Variants in FRMD8 observed in about 807,000 individuals in gnomAD.
The protein encoded by FRMD8 is FERM domain containing 8.
Under a neutral mutation model 54.2 loss-of-function variants are expected in FRMD8, and 37 were observed. The observed-to-expected ratio is 0.68, with a 90% confidence interval of 0.53 to 0.90. FRMD8 has a LOEUF of 0.90. FRMD8 is among the 40% of genes least tolerant of loss of function. The pLI is 0.00. For missense variants in FRMD8, 585 were observed against 653.7 expected, an observed-to-expected ratio of 0.89 and a Z score of 1.15; for synonymous variants, 246 against 286.9, an observed-to-expected ratio of 0.86 and a Z score of 1.44.
intron 6 of FRMD8, 104 bp from the exon 7 acceptor site, chr11:65,396,695 A>G: frequency 1.5e-6 from 1 of 660,074 alleles, no homozygotes; most frequent in Non-Finnish European, 2.4e-6. Flanking sequence ...ACTTGGAAGT[A>G]GATGTGTGTC....
upstream of FRMD8, among the ~76,000 whole-genome samples, chr11:65,385,897 A>C (rs1003191538): frequency 4.0e-5 from 6 of 151,206 alleles, no homozygotes; most frequent in Non-Finnish European, 5.9e-5. Flanking sequence ...TGGGGTTCAC[A>C]CCATTCTCCT....
At chr11:65,379,402 C>A in the FRMD8 span, 1 of 1,611,968 alleles carries the variant, frequency 6.2e-7, no homozygotes, top group Non-Finnish European at 8.5e-7. Context: ...GTGCAGCCCG[C>A]TAGGAAGATG....
At chr11:65,408,631 T>A (rs77427268) in intron 10 of FRMD8, among the ~76,000 whole-genome samples, 174 of 151,796 alleles carry the variant, frequency 1.1e-3, no homozygotes, top group Non-Finnish European at 1.9e-3. Flanking sequence ...TTTTTTTTTT[T>A]AAATAGGATT....
chr11:65,382,127 C>T (rs79399220), upstream of FRMD8: 7,221 of 648,082 alleles, frequency 0.011, 436 homozygotes, highest in African/African-American at 0.12. The surrounding 1 kb of genome is among the most constrained non-coding windows in gnomAD (Gnocchi z 4.4). Flanking sequence ...GAGCCAGTTC[C>T]GGTGACCCTG....
the FRMD8 span, among the ~76,000 whole-genome samples, chr11:65,371,719 A>G: frequency 1.3e-5 from 2 of 152,146 alleles, no homozygotes; most frequent in Admixed American, 1.3e-4. Context: ...GGTTCGGGTG[A>G]TTCTCCTGCC....
intron 10 of FRMD8, among the ~76,000 whole-genome samples, chr11:65,408,995 G>A (rs1856269940): frequency 6.6e-6 from 1 of 152,052 alleles, no homozygotes; most frequent in South Asian, 2.1e-4. Context: ...CAGAGAAGAT[G>A]GTGTCTGCCT....
At position 65,387,089 on chromosome 11, in the gene FRMD8, A is replaced by G. The variant is rs78688868; in HGVS notation, c.53A>G (p.His18Arg). The G allele has an allele frequency of 2.5e-6, 4 of 1,607,976 alleles. No homozygotes were observed. The highest frequency in any genetic ancestry group is 2.2e-5 in the South Asian group (2 of 91,074). The change falls in exon 2 of 11, where the codon CAC (histidine) becomes CGC (arginine). Residue 18 changes from histidine to arginine, a missense_variant. Physicochemically the swap from His to Arg is conservative, Grantham distance 29. Coordinates refer to ENST00000317568, the MANE Select transcript of FRMD8 (RefSeq NM_031904.5). ...CAGCCCGGCCCCGCTGAGCGATCCC[A>G]CCGAAGCAGCGTGTCCTCCGTGGGA... ...AGQPGPAERS[H>R]RSSVSSVGAR...
At chr11:65,389,165 T>C (rs668117) in intron 2 of FRMD8, among the ~76,000 whole-genome samples, 196 bp from the exon 3 acceptor site, 151,678 of 152,292 alleles carry the variant, frequency 1, 75,540 homozygotes, top group Middle Eastern at 1. Flanking sequence ...ATAGATAGCA[T>C]TCGTGATAGG....
intron 2 of FRMD8, among the ~76,000 whole-genome samples, chr11:65,388,076 A>G (rs1855768461): frequency 6.6e-6 from 1 of 151,938 alleles, no homozygotes. Context: ...AGGCAGGAGA[A>G]TGACTTGAAC....
the FRMD8 span, among the ~76,000 whole-genome samples, chr11:65,370,882 T>G: frequency 1.3e-5 from 2 of 152,016 alleles, no homozygotes; most frequent in African/African-American, 4.8e-5. Flanking sequence ...CTGGGCAGCA[T>G]AGTGAGACCC....
the FRMD8 span, among the ~76,000 whole-genome samples, chr11:65,368,968 G>A: frequency 6.6e-6 from 1 of 152,152 alleles, no homozygotes; most frequent in Non-Finnish European, 1.5e-5. Context: ...GAATGAGAGT[G>A]TGTCATTATA....
At position 65,400,162 on chromosome 11, in the gene FRMD8, T is replaced by C. The variant is rs958163039; in HGVS notation, c.927+303T>C. Among the ~76,000 whole-genome samples, 2 of 152,148 alleles carry C rather than the reference T, an allele frequency of 1.3e-5. No homozygotes were observed. Among genetic ancestry groups the C allele is most frequent in the African/African-American group, 2.4e-5 (1 of 41,416 alleles). On this transcript the variant is annotated intron_variant, in intron 8 of 10. Transcript: ENST00000317568. This position sits in a 1 kb window ranked among gnomAD's most constrained non-coding sequence, Gnocchi z 4.3. ...TGATGGCTGGAGAACAGCCTGATGC[T>C]CCAGAAGACCCCGCGACGGGAGCCC...
chr11:65,379,445 C>T, the FRMD8 span: 1 of 1,614,014 alleles, frequency 6.2e-7, no homozygotes, highest in Non-Finnish European at 8.5e-7. Context: ...CCCGCCGCTC[C>T]TGGTGGGAGG....
Position 65,394,264 on chromosome 11 carries a change from T to A in FRMD8, c.420T>A (p.His140Gln). ...FFPKRRELQI[H>Q]DEEVLRLLYE... ...CCTGCCACACCCCCCTGCAGATCCATGACGAGGAGGTCCTGCGGCTGCTCT... is the reference window on the plus strand; with the variant it reads ...CCTGCCACACCCCCCTGCAGATCCAAGACGAGGAGGTCCTGCGGCTGCTCT... Residue 140 changes from histidine to glutamine, a missense_variant, in exon 6 of 11, where the codon CAT (histidine) becomes CAA (glutamine). Physicochemically the swap from His to Gln is conservative, Grantham distance 24. Coordinates refer to ENST00000317568, the MANE Select transcript of FRMD8 (RefSeq NM_031904.5). 6.2e-7 allele frequency: 1 copy of A among 1,600,624 alleles called. No homozygotes were observed. The highest frequency in any genetic ancestry group is 1.3e-5 in the African/African-American group (1 of 74,566).
rs992282457 is a variant in FRMD8, at chr11:65,400,465, C to T, written c.928-259C>T. Among the ~76,000 whole-genome samples the T allele has an allele frequency of 3.9e-5, 6 of 152,204 alleles. No homozygotes were observed. Among genetic ancestry groups the T allele is most frequent in the Non-Finnish European group, 8.8e-5 (6 of 68,032 alleles). ...GACTCCGCTTCCCCACCTGCCTCCT[C>T]CCCCACGTGCCTCCCCCGCTGTCAG... On this transcript the variant is annotated intron_variant, in intron 8 of 10. Transcript: ENST00000317568. The surrounding 1 kb of genome is among the most constrained non-coding windows in gnomAD (Gnocchi z 4.3).
intron 7 of FRMD8, among the ~76,000 whole-genome samples, chr11:65,397,318 TAACA>T (rs1855979584): frequency 6.6e-6 from 1 of 152,194 alleles, no homozygotes; most frequent in Non-Finnish European, 1.5e-5. Context: ...AATTGTTGTC[TAACA>T]AACAGCTCTG....
At chr11:65,374,929 T>TGGGCCTTTATA in the FRMD8 span, among the ~76,000 whole-genome samples, 1 of 151,860 alleles carries the variant, frequency 6.6e-6, no homozygotes, top group South Asian at 2.1e-4. Context: ...ATGGCACCAC[T>TGGGCCTTTATA]GCACTCCAGC....
the FRMD8 span, among the ~76,000 whole-genome samples, chr11:65,370,638 C>T: frequency 6.6e-6 from 1 of 151,086 alleles, no homozygotes; most frequent in African/African-American, 2.4e-5. Flanking sequence ...AAGCAGACAT[C>T]GCAGTGACCC....
the FRMD8 span, chr11:65,379,798 G>A: frequency 1.3e-6 from 2 of 1,580,534 alleles, no homozygotes; most frequent in Non-Finnish European, 8.7e-7. Context: ...GCTGGAGAGG[G>A]AAGCTGGTAC....
Sources: allele counts gnomAD v4.1 joint callset (sites outside exome capture counted in the v4.1 genomes callset), GRCh38; gene constraint gnomAD v4.1.1; non-coding constraint Gnocchi (gnomAD v3.1); transcripts MANE v1.5; gene names NCBI Gene and HGNC (gene_info 2026-07-23, HGNC 2026-07-21).